Variants in HDAC9 observed in about 807,000 individuals in gnomAD.
The protein encoded by HDAC9 is histone deacetylase 9.
In HDAC9, 41 loss-of-function variants were observed where a neutral mutation model predicts 139.4. The observed-to-expected ratio is 0.29, with a 90% CI of 0.23 to 0.38. The LOEUF is 0.38. Ranked by LOEUF, HDAC9 falls within the 10% of genes least tolerant of loss-of-function variation. HDAC9 has a pLI of 1.00. For missense variants in HDAC9, 1,147 were observed against 1,297.0 expected, an observed-to-expected ratio of 0.88 and a Z score of 1.78; for synonymous variants, 517 against 476.2, an observed-to-expected ratio of 1.09 and a Z score of -1.12.
intron 12 of HDAC9, among the ~76,000 whole-genome samples, chr7:18,701,935 G>C (rs556374182): frequency 1.3e-5 from 2 of 152,322 alleles, no homozygotes; most frequent in East Asian, 1.9e-4. Flanking sequence ...TGTTTCCATA[G>C]GGATGACATA....
intron 1 of HDAC9, among the ~76,000 whole-genome samples, chr7:18,159,992 A>G (rs1287643729): frequency 6.6e-6 from 1 of 152,158 alleles, no homozygotes; most frequent in African/African-American, 2.4e-5. Context: ...CAACTATTAC[A>G]TGCCCAGCCA....
intron 1 of HDAC9, among the ~76,000 whole-genome samples, chr7:18,293,785 G>C (rs1235861814): frequency 6.6e-6 from 1 of 151,972 alleles, no homozygotes; most frequent in Non-Finnish European, 1.5e-5. Flanking sequence ...TCACCCACGG[G>C]ATTACTGCGT....
chr7:18,850,929 G>A (rs1797241428), intron 21 of HDAC9, among the ~76,000 whole-genome samples: 1 of 152,162 alleles, frequency 6.6e-6, no homozygotes, highest in Non-Finnish European at 1.5e-5. Flanking sequence ...CCGTTCTTGA[G>A]GGCTCTGCTC....
At chr7:18,400,777 T>C (rs181710006) in intron 1 of HDAC9, among the ~76,000 whole-genome samples, 2 of 152,310 alleles carry the variant, frequency 1.3e-5, no homozygotes, top group Non-Finnish European at 2.9e-5. Context: ...CCATGAATCC[T>C]GAGGCCCAGA....
At chr7:18,774,827 T>G (rs1790618488) in intron 16 of HDAC9, among the ~76,000 whole-genome samples, 1 of 152,066 alleles carries the variant, frequency 6.6e-6, no homozygotes, top group Non-Finnish European at 1.5e-5. Context: ...ACTTTTCCTT[T>G]GCATTCACAA....
chr7:18,500,685 G>A (rs931753191), intron 2 of HDAC9, among the ~76,000 whole-genome samples: 4 of 152,066 alleles, frequency 2.6e-5, no homozygotes, highest in Non-Finnish European at 4.4e-5. Context: ...ACTAAATTGG[G>A]AGAAAGATCG....
In HDAC9 at chr7:18,504,888, CA is replaced by C. The variant is rs1563078230; in HGVS notation, c.22+8570del. On this transcript the variant is annotated intron_variant, in intron 2 of 25. Coordinates refer to ENST00000686413, the MANE Select transcript of HDAC9 (RefSeq NM_178425.4). The stretch of plus-strand genomic sequence containing the variant: ...ATGGCAGGGTCCTGCCCCTTTTTCT[CA>C]AAAAATATTTAGCATAGGATAATTC... Among the ~76,000 whole-genome samples, 6 of 152,080 alleles carry C rather than the reference CA, an allele frequency of 3.9e-5. No homozygotes were observed. The East Asian group carries it at 9.6e-4, about 24-fold the overall frequency.
At chr7:18,986,830 G>A (rs565286311) in intron 25 of HDAC9, among the ~76,000 whole-genome samples, 5 of 152,114 alleles carry the variant, frequency 3.3e-5, no homozygotes, top group Admixed American at 2.6e-4. Context: ...TCTCTTTGAA[G>A]CAACTGTGAA....
At chr7:18,404,339 T>C (rs1787813952) in intron 1 of HDAC9, among the ~76,000 whole-genome samples, 1 of 152,116 alleles carries the variant, frequency 6.6e-6, no homozygotes, top group Non-Finnish European at 1.5e-5. Context: ...ATGTTTTTTT[T>C]AAAGGGAAAA....
intron 22 of HDAC9, among the ~76,000 whole-genome samples, chr7:18,926,257 A>C (rs966309493): frequency 6.6e-6 from 1 of 152,112 alleles, no homozygotes; most frequent in African/African-American, 2.4e-5. Context: ...CTGAGGTGGG[A>C]GGATTGTTTG....
chr7:18,174,794 G>A (rs1788745610), intron 2 of HDAC9, among the ~76,000 whole-genome samples: 1 of 152,190 alleles, frequency 6.6e-6, no homozygotes, highest in Non-Finnish European at 1.5e-5. Context: ...CTGCAGAACA[G>A]CAAATATTGC....
At chr7:18,186,926 A>G (rs1015831202) in intron 2 of HDAC9, among the ~76,000 whole-genome samples, 1 of 152,222 alleles carries the variant, frequency 6.6e-6, no homozygotes. Context: ...CTACAGAACT[A>G]CTTAAATTAG....
chr7:18,992,182 T>G (rs958698274), intron 25 of HDAC9, among the ~76,000 whole-genome samples: 1 of 152,230 alleles, frequency 6.6e-6, no homozygotes, highest in African/African-American at 2.4e-5. Context: ...CATAAGTCTT[T>G]AGAGTACGTA....
At chr7:18,663,687 G>T (rs980526079) in intron 11 of HDAC9, among the ~76,000 whole-genome samples, 33 of 152,136 alleles carry the variant, frequency 2.2e-4, no homozygotes, top group African/African-American at 8.0e-4. Context: ...CAGGTTCCCA[G>T]TAACTTTTCA....
intron 17 of HDAC9, among the ~76,000 whole-genome samples, chr7:18,798,977 C>T (rs116256482): frequency 6.6e-6 from 1 of 151,156 alleles, no homozygotes; most frequent in African/African-American, 2.4e-5. Flanking sequence ...TCTGTTCAAA[C>T]AGGAAGTGAA....
chr7:18,562,319 CA>C (rs1203543073), intron 2 of HDAC9, among the ~76,000 whole-genome samples: 1 of 151,888 alleles, frequency 6.6e-6, no homozygotes, highest in Non-Finnish European at 1.5e-5. Flanking sequence ...TGATGTAGTC[CA>C]ATTTATGTGT....
At chr7:18,833,432 T>A (rs1796003154) in intron 19 of HDAC9, among the ~76,000 whole-genome samples, 1 of 152,218 alleles carries the variant, frequency 6.6e-6, no homozygotes, top group African/African-American at 2.4e-5. Flanking sequence ...ACCAAATGTG[T>A]CTTAGAACTG....
intron 12 of HDAC9, among the ~76,000 whole-genome samples, chr7:18,706,763 A>C (rs546446828): frequency 6.6e-6 from 1 of 152,206 alleles, no homozygotes; most frequent in South Asian, 2.1e-4. Context: ...CCCAACAACA[A>C]ATAATTATTT....
chr7:18,549,875 A>G (rs913495218), intron 2 of HDAC9, among the ~76,000 whole-genome samples: 1 of 151,916 alleles, frequency 6.6e-6, no homozygotes, highest in South Asian at 2.1e-4. Flanking sequence ...ATTCTTTCCA[A>G]AATCATTTGT....
Sources: allele counts gnomAD v4.1 joint callset (sites outside exome capture counted in the v4.1 genomes callset), GRCh38; gene constraint gnomAD v4.1.1; transcripts MANE v1.5; gene names NCBI Gene and HGNC (gene_info 2026-07-23, HGNC 2026-07-21).